Variants in PEX6 observed in about 807,000 individuals in gnomAD.
The protein encoded by PEX6 is peroxisomal biogenesis factor 6.
In PEX6, 55 loss-of-function variants were observed where a neutral mutation model predicts 85.6. The observed-to-expected ratio is 0.64, with a 90% CI of 0.52 to 0.80. The LOEUF (loss-of-function observed/expected upper bound fraction) is 0.80, where lower values mean the gene tolerates loss of function less well. Ranked by LOEUF, PEX6 falls within the 30% of genes least tolerant of loss-of-function variation. The pLI, the probability that PEX6 is intolerant of heterozygous loss-of-function variation, is 0.00. For synonymous variants in PEX6, 519 were observed against 549.1 expected, an observed-to-expected ratio of 0.95 and a Z score of 0.77; for missense variants, 1,099 against 1,260.3, an observed-to-expected ratio of 0.87 and a Z score of 1.94.
chr6:42,964,219 G>A lies in PEX6; in HGVS notation c.*116C>T. Reference sequence around the variant, plus strand: ...ACCCTGGGATCTCCTGGAGGGAGGTGGCCTCCAGGTGGGTTGGCAGCAGCC... The same window carrying A: ...ACCCTGGGATCTCCTGGAGGGAGGTAGCCTCCAGGTGGGTTGGCAGCAGCC... On this transcript the variant is annotated 3_prime_UTR_variant, in exon 17 of 17. Transcript: ENST00000304611. The surrounding 1 kb of genome is among the most constrained non-coding windows in gnomAD (Gnocchi z 4.6). 1 of 1,196,466 alleles carries A rather than the reference G, an allele frequency of 8.4e-7. No individual in the cohort carries two copies. The highest frequency in any genetic ancestry group is 1.2e-6 in the Non-Finnish European group (1 of 817,020). The allele number at this position is 1,196,466 out of a possible 1,614,324, so 74.1% of individuals were successfully genotyped here.
At chr6:42,977,251 C>CCTTTTTTTTTTTTTTTTTTTT (rs34536442) in intron 1 of PEX6, among the ~76,000 whole-genome samples, 2 of 126,678 alleles carry the variant, frequency 1.6e-5, no homozygotes, top group Non-Finnish European at 3.3e-5. Context: ...TGAAACCTCA[C>CCTTTTTTTTTTTTTTTTTTTT]TTTTTTTTTT....
At chr6:42,974,781 C>G in intron 2 of PEX6, 94 bp downstream of exon 2, 1 of 1,215,116 alleles carries the variant, frequency 8.2e-7, no homozygotes, top group Non-Finnish European at 1.2e-6. Context: ...CTTCTTTTAA[C>G]CAGGGCCTCT....
In PEX6 at chr6:42,966,074, C is replaced by T. The variant is rs781262593; in HGVS notation, c.2332G>A (p.Val778Met). 1.4e-5 allele frequency: 22 copies of T among 1,614,058 alleles called. No individual in the cohort carries two copies. The East Asian group carries it at 4.0e-4, about 29-fold the overall frequency. The change falls in exon 12 of 17, where the codon GTG (valine) becomes ATG (methionine). Residue 778 changes from valine to methionine, a missense_variant. Physicochemically the swap from Val to Met is conservative, Grantham distance 21. This residue lies in a region of PEX6 where 514 missense variants were observed against 627.0 expected (regional missense o/e 0.82). Coordinates refer to ENST00000304611, the MANE Select transcript of PEX6 (RefSeq NM_000287.4). ...CGCACATTCTCCTCACTTTGGCCCA[C>T]ATACATGTTAATGAGCTCTGGCCCC... ...VKGPELINMY[V>M]GQSEENVREV...
At chr6:42,977,630 A>G (rs973222755) in intron 1 of PEX6, among the ~76,000 whole-genome samples, 1 of 151,558 alleles carries the variant, frequency 6.6e-6, no homozygotes, top group Non-Finnish European at 1.5e-5. Context: ...AATTACAAAA[A>G]TTAGCCGGGC....
chr6:42,968,418 ACGG>A lies in PEX6; in HGVS notation c.1557_1559del (p.Arg520del). 1 of 1,613,642 alleles carries A rather than the reference ACGG, an allele frequency of 6.2e-7. No homozygotes were observed. Among genetic ancestry groups the A allele is most frequent in the African/African-American group, 1.3e-5 (1 of 75,024 alleles). On this transcript the variant is annotated inframe_deletion, in exon 7 of 17. Coordinates refer to ENST00000304611, the MANE Select transcript of PEX6 (RefSeq NM_000287.4). ...TGAGCAACAGGACTGCAGGCCGGCA[ACGG>A]CGGGCCCGGGAGAAGATGGCCTGCA... is the stretch of plus-strand genomic sequence containing the variant.
chr6:42,968,345 C>A lies in PEX6; in HGVS notation c.1633G>T (p.Ala545Ser). 2 of 1,614,216 alleles carry A rather than the reference C, an allele frequency of 1.2e-6. No homozygotes were observed. The highest frequency in any genetic ancestry group is 1.7e-6 in the Non-Finnish European group (2 of 1,180,048). The stretch of plus-strand genomic sequence containing the variant: ...TGACGCAGCACAGCCATCACACGGG[C>A]ATCCTCACCCAGCCCATCACGGTCC... ...GRDRDGLGEDARVMAVLRHLL... is the reference protein window; with the variant it reads ...GRDRDGLGEDSRVMAVLRHLL... Residue 545 changes from alanine (A) to serine (S), a missense_variant, in exon 7 of 17, where the codon GCC (alanine) becomes TCC (serine). Ala to Ser is a moderately conservative substitution (Grantham distance 99, BLOSUM62 1). Around this residue, in one of 3 missense-constraint regions of PEX6, gnomAD observed 514 missense variants for 627.0 expected, o/e 0.82. Transcript: ENST00000304611.
rs867863795 is a variant in PEX6, at chr6:42,978,203, T to A, written c.882+66A>T. 3.7e-4 allele frequency: 581 copies of A among 1,575,718 alleles called. 4 individuals carry two copies. In the Middle Eastern group the frequency reaches 9.8e-3, roughly 27 times the overall value. ...GGGCACGAGTCCTAAATCTTCCAAT[T>A]TACCTAAGACAGAGAAGAGGGTATA... On this transcript the variant is annotated intron_variant, in intron 1 of 16. Coordinates refer to ENST00000304611, the MANE Select transcript of PEX6 (RefSeq NM_000287.4).
At position 42,965,176 on chromosome 6, in the gene PEX6, A is replaced by C; in HGVS notation, c.2589-24T>G. 1 of 1,613,202 alleles carries C rather than the reference A, an allele frequency of 6.2e-7. No homozygotes were observed. On this transcript the variant is annotated intron_variant, in intron 14 of 16. Coordinates refer to ENST00000304611, the MANE Select transcript of PEX6 (RefSeq NM_000287.4). The surrounding 1 kb of genome is among the most constrained non-coding windows in gnomAD (Gnocchi z 5.0). ...ATCTTTAGGGAGATAGGCAGGTATA[A>C]GTTTCAGGGAGCCCAGCCATGAGGG...
Position 42,972,834 on chromosome 6 carries a change from T to TGTGCA in PEX6, c.1130+1164_1130+1168dup, listed in dbSNP as rs1413500034. ...TCAGAGATAGGATTGAGAAGTAGTT[T>TGTGCA]GTGCACACTCCGTAGTTAAGGCAGA... On this transcript the variant is annotated intron_variant, in intron 3 of 16. Coordinates refer to ENST00000304611, the MANE Select transcript of PEX6 (RefSeq NM_000287.4). Among the ~76,000 whole-genome samples, 7 of 151,718 alleles carry TGTGCA rather than the reference T, an allele frequency of 4.6e-5. No individual in the cohort carries two copies. The South Asian group carries it at 8.4e-4, about 18-fold the overall frequency.
rs971156225 is a variant in PEX6, at chr6:42,971,664, G to A, written c.1131-1677C>T. Among the ~76,000 whole-genome samples the A allele has an allele frequency of 6.6e-6, 1 of 152,244 alleles. No individual in the cohort carries two copies. Among genetic ancestry groups the A allele is most frequent in the Admixed American group, 6.5e-5 (1 of 15,282 alleles). On this transcript the variant is annotated intron_variant, in intron 3 of 16. Coordinates refer to ENST00000304611, the MANE Select transcript of PEX6 (RefSeq NM_000287.4). This position sits in a 1 kb window ranked among gnomAD's most constrained non-coding sequence, Gnocchi z 4.4. ...CCAGTGCAGCTTAAAACGCTCATCTGTATCTGTCCTTGGACCCATTGGGCC... is the reference window on the plus strand; with the variant it reads ...CCAGTGCAGCTTAAAACGCTCATCTATATCTGTCCTTGGACCCATTGGGCC...
intron 2 of PEX6, 108 bp from the exon 3 acceptor site, chr6:42,974,194 C>A: frequency 1.2e-6 from 1 of 819,934 alleles, no homozygotes; most frequent in Non-Finnish European, 2.1e-6. Context: ...GTCTACTGCC[C>A]GCCCAGAGAT....
At chr6:42,976,856 C>G (rs897181177) in intron 1 of PEX6, among the ~76,000 whole-genome samples, 1 of 152,006 alleles carries the variant, frequency 6.6e-6, no homozygotes, top group African/African-American at 2.4e-5. Context: ...AACTAAACAC[C>G]AGGCACCAAA....
At position 42,965,274 on chromosome 6, in the gene PEX6, G is replaced by A. The variant is rs1187553337; in HGVS notation, c.2566C>T (p.Pro856Ser). Reference protein sequence around the residue: ...GATNRPDLLDPALLRPGRFDK... With the variant: ...GATNRPDLLDSALLRPGRFDK... ...CACCTGCCAGGCCGCAGAAGGGCAG[G>A]GTCCAGGAGATCTGGTCTGTTGGTG... The change falls in exon 14 of 17, where the codon CCT becomes TCT. Residue 856 changes from proline to serine, a missense_variant. Coordinates refer to ENST00000304611, the MANE Select transcript of PEX6 (RefSeq NM_000287.4). This position sits in a 1 kb window ranked among gnomAD's most constrained non-coding sequence, Gnocchi z 5.0. 8 of 1,614,046 alleles carry A rather than the reference G, an allele frequency of 5.0e-6. No homozygotes were observed. The South Asian group carries it at 5.5e-5, about 11-fold the overall frequency.
In PEX6 at chr6:42,965,628, C is replaced by T; in HGVS notation, c.2471+53G>A. 4.7e-6 allele frequency: 6 copies of T among 1,273,402 alleles called. No homozygotes were observed. 78.9% of individuals were successfully genotyped at this position (1,273,402 alleles called of 1,614,324 possible). On this transcript the variant is annotated intron_variant, in intron 13 of 16. Transcript: ENST00000304611. The surrounding 1 kb of genome is among the most constrained non-coding windows in gnomAD (Gnocchi z 5.0). ...CTCTGAAGACTGCTGTGAGCTTTCT[C>T]ATATCCTTCCCACCCTGGACCCCTC... is the stretch of plus-strand genomic sequence containing the variant.
At position 42,974,890 on chromosome 6, in the gene PEX6, T is replaced by C. The variant is rs1193751121; in HGVS notation, c.1031A>G (p.His344Arg). The change falls in exon 2 of 17, where the codon CAC becomes CGC. Residue 344 changes from histidine (H) to arginine (R), a missense_variant. Transcript: ENST00000304611. ...GGTAGCTAACCTGGGTATCTGAAAG[T>C]GCCGGTAAAGAACACCGTCATAATT... ...NGNYDGVLYR[H>R]FQIPRVVQEG... 6.2e-7 allele frequency: 1 copy of C among 1,614,052 alleles called. No individual in the cohort carries two copies. The highest frequency in any genetic ancestry group is 8.5e-7 in the Non-Finnish European group (1 of 1,179,962).
At position 42,966,821 on chromosome 6, in the gene PEX6, T is replaced by G. The variant is rs762836356; in HGVS notation, c.1922A>C (p.His641Pro). The G allele has an allele frequency of 1.2e-6, 2 of 1,613,382 alleles. No individual in the cohort carries two copies. The highest frequency in any genetic ancestry group is 1.3e-5 in the African/African-American group (1 of 74,750). ...VVGDLYALLT[H>P]SSRAACTRIK... ...CCTGGTGCAGGCTGCCCGGCTGCTGTGGGTCAGAAGGGCATAGAGATCCCC... is the reference window on the plus strand; with the variant it reads ...CCTGGTGCAGGCTGCCCGGCTGCTGGGGGTCAGAAGGGCATAGAGATCCCC... Residue 641 changes from histidine (H) to proline (P), a missense_variant, in exon 9 of 17, where the codon CAC (histidine) becomes CCC (proline). Coordinates refer to ENST00000304611, the MANE Select transcript of PEX6 (RefSeq NM_000287.4).
rs1769810523 is a variant in PEX6, at chr6:42,966,433, G to C, written c.2109C>G (p.Ser703=). 1.9e-6 allele frequency: 3 copies of C among 1,614,058 alleles called. No individual in the cohort carries two copies. The highest frequency in any genetic ancestry group is 1.1e-5 in the South Asian group (1 of 91,094). ...AVGAPKIPSV[S]WHDVGGLQEV... ...CCTGCAGCCCACCCACATCATGCCA[G>C]GACACTGAGGGGATCTAGGAGATGG... The change falls in exon 11 of 17, where the codon TCC becomes TCG. Residue 703 remains serine (S), a synonymous_variant. Transcript: ENST00000304611.
rs1348677335 is a variant in PEX6, at chr6:42,965,542, C to G, written c.2471+139G>C. On this transcript the variant is annotated intron_variant, in intron 13 of 16. Coordinates refer to ENST00000304611, the MANE Select transcript of PEX6 (RefSeq NM_000287.4). The surrounding 1 kb of genome is among the most constrained non-coding windows in gnomAD (Gnocchi z 5.0). ...CAGTGGACCCTGCCCAATTTCATGG[C>G]CCCTTTCAGCTTCCATTATATTATC... 1.1e-6 allele frequency: 1 copy of G among 892,496 alleles called. No homozygotes were observed. The highest frequency in any genetic ancestry group is 1.6e-5 in the African/African-American group (1 of 60,960). The allele number at this position is 892,496 out of a possible 1,614,324, so 55.3% of individuals were successfully genotyped here. A position where few individuals can be genotyped will look rare whatever the true frequency, so the allele number is the denominator to read the frequency against.
At position 42,964,764 on chromosome 6, in the gene PEX6, A is replaced by C; in HGVS notation, c.2806+26T>G. 1 of 1,613,216 alleles carries C rather than the reference A, an allele frequency of 6.2e-7. No homozygotes were observed. ...CAGCTCCCCACTAGCTTTTTGGTTG[A>C]CCTCTCAGACCGGCAAGTGGCTCAC... On this transcript the variant is annotated intron_variant, in intron 16 of 16. Transcript: ENST00000304611. This position sits in a 1 kb window ranked among gnomAD's most constrained non-coding sequence, Gnocchi z 4.6.
Sources: gnomAD v4.1 joint callset for allele counts (sites outside exome capture counted in the v4.1 genomes callset) on GRCh38, gnomAD v4.1.1 for gene constraint, gnomAD v4.1.1 regional missense constraint, Gnocchi (gnomAD v3.1) non-coding constraint, MANE v1.5 for transcripts, NCBI Gene and HGNC (gene_info 2026-07-23, HGNC 2026-07-21) for gene names.